The following CROCC variants were observed in gnomAD, a reference collection of about 807,000 sequenced individuals.
CROCC encodes the protein ciliary rootlet coiled-coil, rootletin, also known as rootletin.
A neutral mutation model predicts 245.2 loss-of-function variants in CROCC; 180 were observed. That is an observed-to-expected ratio of 0.73 (90% CI 0.65 to 0.83). CROCC has a LOEUF of 0.83. Among genes scored for constraint, CROCC ranks in the 40% least tolerant of loss-of-function variants. CROCC has a pLI of 0.00. For missense variants in CROCC, 2,688 were observed against 2,779.4 expected (o/e 0.97, Z 0.74); for synonymous variants, 1,205 against 1,241.6 (o/e 0.97, Z 0.62).
At chr1:16,964,140 T>TTA (rs1553160574) in intron 27 of CROCC, among the ~76,000 whole-genome samples, 9 of 120,074 alleles carry the variant, frequency 7.5e-5, no homozygotes, top group South Asian at 2.4e-4. Flanking sequence ...TTTCTTTATT[T>TTA]TTTTTTTTTT....
intron 13 of CROCC, 63 bp from the exon 14 acceptor site, chr1:16,944,037 G>C: frequency 7.0e-7 from 1 of 1,432,592 alleles, no homozygotes; most frequent in Non-Finnish European, 9.3e-7. Context: ...GGAGCAGCCA[G>C]CCACCTTCCC....
intron 14 of CROCC, among the ~76,000 whole-genome samples, chr1:16,945,156 C>T (rs1206661508): frequency 2.6e-5 from 4 of 152,280 alleles, no homozygotes; most frequent in Admixed American, 2.6e-4. Flanking sequence ...TTGCTTGAAC[C>T]TGGGAGGCAG....
chr1:16,921,234 A>G (rs1424748364), upstream of CROCC, among the ~76,000 whole-genome samples: 1 of 152,258 alleles, frequency 6.6e-6, no homozygotes, highest in Non-Finnish European at 1.5e-5. Context: ...CAGAGAGGCA[A>G]AGTCAGTGTC....
chr1:16,962,556 A>AAAAAAC (rs2076351330), intron 27 of CROCC, among the ~76,000 whole-genome samples: 1 of 105,868 alleles, frequency 9.4e-6, no homozygotes, highest in Non-Finnish European at 2.0e-5. Flanking sequence ...AAAAAAAAAA[A>AAAAAAC]AAAAACAGGA....
At chr1:16,947,096 G>A (rs1176275064) in intron 17 of CROCC, 105 bp downstream of exon 17, 10 of 1,086,868 alleles carry the variant, frequency 9.2e-6, no homozygotes, top group South Asian at 3.3e-5. Context: ...ACTGGAGCCT[G>A]CTTCTGGGTT....
chr1:16,954,366 GGCTGGGCA>G lies in CROCC; in HGVS notation c.3321+17_3321+24del. Reference sequence around the variant, plus strand: ...GGCAGGAGCAGGACCGGGTAGGGCAGGCTGGGCAGCTGGGCCTCTGTCTCATAGAGAGG... The same window carrying G: ...GGCAGGAGCAGGACCGGGTAGGGCAGGCTGGGCCTCTGTCTCATAGAGAGG... On this transcript the variant is annotated intron_variant, in intron 22 of 36. Coordinates refer to ENST00000375541, the MANE Select transcript of CROCC (RefSeq NM_014675.5). This position sits in a 1 kb window ranked among gnomAD's most constrained non-coding sequence, Gnocchi z 4.4. 1 of 1,607,550 alleles carries G rather than the reference GGCTGGGCA, an allele frequency of 6.2e-7. No individual in the cohort carries two copies. The highest frequency in any genetic ancestry group is 1.3e-5 in the African/African-American group (1 of 74,944).
intron 8 of CROCC, among the ~76,000 whole-genome samples, chr1:16,933,349 C>A (rs1203672776): frequency 6.6e-6 from 1 of 152,256 alleles, no homozygotes; most frequent in Non-Finnish European, 1.5e-5. Context: ...TGCCTGTAAT[C>A]CCAGCTACTG....
intron 1 of CROCC, among the ~76,000 whole-genome samples, chr1:16,916,620 C>T (rs1279023763): frequency 3.3e-5 from 5 of 152,394 alleles, no homozygotes; most frequent in African/African-American, 9.6e-5. Flanking sequence ...AATCCTCCTG[C>T]CTCAGCCTCT....
chr1:16,961,185 C>A, intron 27 of CROCC, 55 bp downstream of exon 27: 1 of 1,257,132 alleles, frequency 8.0e-7, no homozygotes, highest in South Asian at 2.6e-5. Context: ...CGCACTGAGG[C>A]CCCGCCCCCA....
intron 1 of CROCC, among the ~76,000 whole-genome samples, chr1:16,914,509 C>T (rs2075283162): frequency 6.6e-6 from 1 of 152,282 alleles, no homozygotes; most frequent in South Asian, 2.1e-4. Flanking sequence ...GTGCGGGCCC[C>T]GCCCTGCACT....
chr1:16,928,912 C>T (rs370540732), intron 3 of CROCC, among the ~76,000 whole-genome samples: 1 of 152,182 alleles, frequency 6.6e-6, no homozygotes, highest in African/African-American at 2.4e-5. Flanking sequence ...CTGCAACCTC[C>T]GCCTCCCAGG....
At chr1:16,930,676 A>C (rs1480617093) in intron 7 of CROCC, 82 bp downstream of exon 7, 1 of 1,244,448 alleles carries the variant, frequency 8.0e-7, no homozygotes, top group Non-Finnish European at 1.1e-6. Flanking sequence ...AAGCCTGGAG[A>C]GGGAGAGGGA....
rs1212457443 is a variant in CROCC, at chr1:16,947,011, G to T, written c.2514+20G>T. 1.3e-6 allele frequency: 2 copies of T among 1,539,638 alleles called. No homozygotes were observed. Among genetic ancestry groups the T allele is most frequent in the Admixed American group, 2.0e-5 (1 of 50,796 alleles). On this transcript the variant is annotated intron_variant, in intron 17 of 36. Transcript: ENST00000375541. ...GCGCAGGTGGGCAAAGCTGTGTGTGGGGGTGGTGTGGAGAGCATGTGGGGC... is the reference window on the plus strand; with the variant it reads ...GCGCAGGTGGGCAAAGCTGTGTGTGTGGGTGGTGTGGAGAGCATGTGGGGC...
intron 3 of CROCC, among the ~76,000 whole-genome samples, chr1:16,924,902 C>T (rs1349749399): frequency 6.6e-6 from 1 of 152,248 alleles, no homozygotes; most frequent in African/African-American, 2.4e-5. Flanking sequence ...TGTGGGCACC[C>T]GCGGTGTTCT....
rs1403120793 is a variant in CROCC, at chr1:16,968,360, G to T, written c.5018G>T (p.Ser1673Ile). 2.6e-6 allele frequency: 4 copies of T among 1,539,706 alleles called. No homozygotes were observed. The highest frequency in any genetic ancestry group is 3.5e-6 in the Non-Finnish European group (4 of 1,141,884). ...GELQRSRLGL[S>I]DREAQAQALQ... ...CTGCAGCGCAGCCGCCTGGGCCTCA[G>T]TGACCGCGAGGCCCAAGCCCAGGCC... Residue 1673 changes from serine (S) to isoleucine (I), a missense_variant, in exon 31 of 37, where the codon AGT becomes ATT. Transcript: ENST00000375541.
At chr1:16,942,010 T>G (rs866191837) in intron 13 of CROCC, among the ~76,000 whole-genome samples, 1 of 151,994 alleles carries the variant, frequency 6.6e-6, no homozygotes, top group Middle Eastern at 3.4e-3. Flanking sequence ...CCTTGAAGAT[T>G]TTTTTTTTCT....
At chr1:16,956,806 C>T (rs960859583) in intron 25 of CROCC, among the ~76,000 whole-genome samples, 4 of 151,958 alleles carry the variant, frequency 2.6e-5, no homozygotes, top group Admixed American at 6.6e-5. Flanking sequence ...AGCTGTAGTT[C>T]GCTGACCCGT....
chr1:16,958,495 A>C (rs2076281281), intron 25 of CROCC, 88 bp from the exon 26 acceptor site: 7 of 1,467,182 alleles, frequency 4.8e-6, no homozygotes, highest in East Asian at 2.5e-5. Flanking sequence ...ATGTGTCCCT[A>C]CAGCAGTAGG....
At chr1:16,948,604 GC>G in intron 18 of CROCC, 80 bp downstream of exon 18, 1 of 1,473,220 alleles carries the variant, frequency 6.8e-7, no homozygotes, top group Admixed American at 2.5e-5. Context: ...GCAGGCACGG[GC>G]CCCCAGGGGC....
Sources: allele counts gnomAD v4.1 joint callset (sites outside exome capture counted in the v4.1 genomes callset), GRCh38; gene constraint gnomAD v4.1.1; non-coding constraint Gnocchi (gnomAD v3.1); transcripts MANE v1.5; gene names NCBI Gene and HGNC (gene_info 2026-07-23, HGNC 2026-07-21).